The following TANC1 variants were observed in gnomAD, a reference collection of about 807,000 sequenced individuals.
The protein encoded by TANC1 is protein TANC1.
TANC1 carries 77 observed loss-of-function variants against 149.7 expected under a neutral mutation model. The ratio of observed to expected loss-of-function variants is 0.51; its 90% CI spans 0.43 to 0.62. The LOEUF (loss-of-function observed/expected upper bound fraction) is 0.62. Among genes scored for constraint, TANC1 ranks in the 20% least tolerant of loss-of-function variants. TANC1 has a pLI of 0.00. For missense variants in TANC1, 1,985 were observed against 2,321.8 expected (o/e 0.85, Z 2.98); for synonymous variants, 854 against 925.0 (o/e 0.92, Z 1.39).
At chr2:159,039,297 C>T (rs2040442984) in intron 2 of TANC1, among the ~76,000 whole-genome samples, 1 of 152,076 alleles carries the variant, frequency 6.6e-6, no homozygotes, top group African/African-American at 2.4e-5. Context: ...AAAACAGCTC[C>T]TGGATTCATT....
intron 2 of TANC1, among the ~76,000 whole-genome samples, chr2:159,024,001 G>T (rs2039050045): frequency 6.6e-6 from 1 of 151,582 alleles, no homozygotes; most frequent in African/African-American, 2.4e-5. Context: ...AAATATACAA[G>T]TAATGAGGCA....
At chr2:159,035,499 T>G (rs770831068) in intron 2 of TANC1, among the ~76,000 whole-genome samples, 6 of 152,244 alleles carry the variant, frequency 3.9e-5, no homozygotes, top group Non-Finnish European at 5.9e-5. Flanking sequence ...TAAAATTTAT[T>G]CTGAAGAACA....
rs951421040 is a variant in TANC1 at position 159,001,506 on chromosome 2, C to T, written c.-16+317C>T. On this transcript the variant is annotated intron_variant, in intron 2 of 26. Coordinates refer to ENST00000263635, the MANE Select transcript of TANC1 (RefSeq NM_033394.3). This position sits in a 1 kb window ranked among gnomAD's most constrained non-coding sequence, Gnocchi z 4.3. ...ACTATATACTTAAAAATGGTTAAAA[C>T]GGTAAATTTTATGTCTATTTTATCA... 1.6e-4 allele frequency among the ~76,000 whole-genome samples: 24 copies of T among 152,072 alleles called. No individual in the cohort carries two copies. The highest frequency in any genetic ancestry group is 4.6e-4 in the African/African-American group (19 of 41,392).
chr2:159,069,246 T>C (rs1420179499), intron 3 of TANC1, among the ~76,000 whole-genome samples: 1 of 152,198 alleles, frequency 6.6e-6, no homozygotes, highest in African/African-American at 2.4e-5. Flanking sequence ...TTAGAGAGCA[T>C]ATTCACCTTG....
At chr2:158,986,716 C>CA (rs2035044559) in intron 1 of TANC1, among the ~76,000 whole-genome samples, 1 of 152,138 alleles carries the variant, frequency 6.6e-6, no homozygotes, top group Admixed American at 6.5e-5. Context: ...GATAACTCCT[C>CA]AAAGAATAGG....
At position 159,178,778 on chromosome 2, in the gene TANC1, C is replaced by A. The variant is rs1460467036; in HGVS notation, c.2125C>A (p.Leu709Ile). Reference protein sequence around the residue: ...RSLGSYLYLKLTLDLFQRGHL... With the variant: ...RSLGSYLYLKITLDLFQRGHL... ...CCTCGGCTCCTACCTGTACCTCAAG[C>A]TCACCCTGGACCTTTTCCAGAGGGG... is the stretch of plus-strand genomic sequence containing the variant. The change falls in exon 14 of 27, where the codon CTC becomes ATC. Residue 709 changes from leucine to isoleucine, a missense_variant. Physicochemically the swap from Leu to Ile is conservative, Grantham distance 5 (BLOSUM62 2). Around this residue, in one of 3 missense-constraint regions of TANC1, gnomAD observed 508 missense variants for 714.2 expected, o/e 0.71. Transcript: ENST00000263635. 1 of 1,614,228 alleles carries A rather than the reference C, an allele frequency of 6.2e-7. No homozygotes were observed. The highest frequency in any genetic ancestry group is 1.1e-5 in the South Asian group (1 of 91,086).
chr2:158,980,682 G>C (rs985602645), intron 1 of TANC1, among the ~76,000 whole-genome samples: 1 of 151,758 alleles, frequency 6.6e-6, no homozygotes, highest in African/African-American at 2.4e-5. Context: ...GGCTGAGGCA[G>C]GAGAATGGCG....
At position 159,230,102 on chromosome 2, in the gene TANC1, A is replaced by C; in HGVS notation, c.4676A>C (p.Gln1559Pro). 1 of 1,613,988 alleles carries C rather than the reference A, an allele frequency of 6.2e-7. No individual in the cohort carries two copies. Among genetic ancestry groups the C allele is most frequent in the South Asian group, 1.1e-5 (1 of 91,090 alleles). ...NGSMKVQISS[Q>P]NPPPSPMPGR... Reference sequence around the variant, plus strand: ...AGTATGAAAGTTCAGATCTCTTCTCAGAACCCTCCTCCAAGTCCCATGCCA... The same window carrying C: ...AGTATGAAAGTTCAGATCTCTTCTCCGAACCCTCCTCCAAGTCCCATGCCA... The change falls in exon 27 of 27, where the codon CAG becomes CCG. Residue 1559 changes from glutamine (Q) to proline (P), a missense_variant. Around this residue, in one of 3 missense-constraint regions of TANC1, gnomAD observed 920 missense variants for 994.7 expected, o/e 0.92. Coordinates refer to ENST00000263635, the MANE Select transcript of TANC1 (RefSeq NM_033394.3). This position sits in a 1 kb window ranked among gnomAD's most constrained non-coding sequence, Gnocchi z 4.4.
chr2:159,214,950 CA>C (rs2059250925), intron 19 of TANC1, among the ~76,000 whole-genome samples: 1 of 152,156 alleles, frequency 6.6e-6, no homozygotes, highest in Non-Finnish European at 1.5e-5. Flanking sequence ...CGGAATCAGC[CA>C]GGCCTACAGA....
chr2:158,992,842 TC>T (rs2035792442), intron 1 of TANC1, among the ~76,000 whole-genome samples: 1 of 152,136 alleles, frequency 6.6e-6, no homozygotes, highest in African/African-American at 2.4e-5. Context: ...TTCATGCATT[TC>T]CCCAGGTGTT....
Position 159,196,543 on chromosome 2 carries a change from G to A in TANC1, c.2980-65G>A. The A allele has an allele frequency of 2.1e-6, 3 of 1,399,872 alleles. 1 individual carries two copies. In the South Asian group the frequency reaches 4.0e-5, roughly 19 times the overall value. 86.7% of individuals were successfully genotyped at this position (1,399,872 alleles called of 1,614,324 possible). ...AGTGGGGTTTGCACACAGCTAGGTG[G>A]TGCATCTGCATGCTCAGAGGCAAAG... On this transcript the variant is annotated intron_variant, in intron 17 of 26. Transcript: ENST00000263635.
At chr2:159,004,227 A>G in intron 2 of TANC1, 1 of 1,612,532 alleles carries the variant, frequency 6.2e-7, no homozygotes, top group East Asian at 2.2e-5. Context: ...CTTGGACAGT[A>G]AAGCACCAAA....
intron 1 of TANC1, among the ~76,000 whole-genome samples, chr2:158,992,364 C>CAAAAA (rs34780271): frequency 7.6e-6 from 1 of 132,358 alleles, no homozygotes. Flanking sequence ...TACCCTGTCT[C>CAAAAA]AAAAAAAAAA....
intron 7 of TANC1, 91 bp downstream of exon 7, chr2:159,150,647 C>A: frequency 2.0e-6 from 2 of 990,640 alleles, no homozygotes; most frequent in South Asian, 1.5e-5. Context: ...TTAGCATGGT[C>A]TGTGAAGGTC....
chr2:159,196,556 C>T (rs2057866136), intron 17 of TANC1, 52 bp from the exon 18 acceptor site: 2 of 1,506,200 alleles, frequency 1.3e-6, no homozygotes, highest in South Asian at 1.3e-5. Context: ...CATCTGCATG[C>T]TCAGAGGCAA....
chr2:159,205,579 A>G (rs2058545521), intron 19 of TANC1, among the ~76,000 whole-genome samples: 1 of 152,242 alleles, frequency 6.6e-6, no homozygotes, highest in Non-Finnish European at 1.5e-5. Flanking sequence ...TATCCACTAC[A>G]GTAACAGGCT....
chr2:159,205,509 A>G (rs67878275), intron 19 of TANC1, among the ~76,000 whole-genome samples: 46,261 of 152,104 alleles, frequency 0.3, 8,357 homozygotes, highest in East Asian at 0.56. Flanking sequence ...TATTTTTTCT[A>G]TGTTGCTACT....
chr2:158,979,489 A>C (rs953978393), intron 1 of TANC1, among the ~76,000 whole-genome samples: 2 of 151,072 alleles, frequency 1.3e-5, no homozygotes, highest in African/African-American at 4.9e-5. Context: ...GCAAGTCCTT[A>C]TCTCAAAAAA....
Position 159,230,075 on chromosome 2 carries a change from G to A in TANC1, c.4649G>A (p.Gly1550Asp), listed in dbSNP as rs774255018. 3 of 1,614,016 alleles carry A rather than the reference G, an allele frequency of 1.9e-6. No homozygotes were observed. The highest frequency in any genetic ancestry group is 2.2e-5 in the South Asian group (2 of 91,090). The stretch of plus-strand genomic sequence containing the variant: ...TCTGGCCAGTCGGCAGTGAGAAATG[G>A]CAGTATGAAAGTTCAGATCTCTTCT... Reference protein sequence around the residue: ...LGSGQSAVRNGSMKVQISSQN... With the variant: ...LGSGQSAVRNDSMKVQISSQN... The change falls in exon 27 of 27, where the codon GGC becomes GAC. Residue 1550 changes from glycine to aspartate, a missense_variant. Coordinates refer to ENST00000263635, the MANE Select transcript of TANC1 (RefSeq NM_033394.3). This position sits in a 1 kb window ranked among gnomAD's most constrained non-coding sequence, Gnocchi z 4.4.
Sources: gnomAD v4.1 joint callset for allele counts (sites outside exome capture counted in the v4.1 genomes callset) on GRCh38, gnomAD v4.1.1 for gene constraint, gnomAD v4.1.1 regional missense constraint, Gnocchi (gnomAD v3.1) non-coding constraint, MANE v1.5 for transcripts, NCBI Gene and HGNC (gene_info 2026-07-23, HGNC 2026-07-21) for gene names.